Variants in GRK3 observed in about 807,000 individuals in gnomAD.
The protein encoded by GRK3 is adrenergic, beta, receptor kinase 2.
Under a neutral mutation model 95.7 loss-of-function variants are expected in GRK3, and 54 were observed. The observed-to-expected ratio is 0.56, with a 90% CI of 0.45 to 0.71. The LOEUF (loss-of-function observed/expected upper bound fraction) is 0.71. GRK3 is among the 30% of genes least tolerant of loss of function. GRK3 has a pLI of 0.00. For missense variants in GRK3, 649 were observed against 851.2 expected, an observed-to-expected ratio of 0.76 and a Z score of 2.96; for synonymous variants, 281 against 290.8, an observed-to-expected ratio of 0.97 and a Z score of 0.34.
chr22:25,626,126 T>A (rs995233362), intron 2 of GRK3, among the ~76,000 whole-genome samples: 2 of 152,170 alleles, frequency 1.3e-5, no homozygotes, highest in African/African-American at 4.8e-5. Context: ...GTGGGGCTGG[T>A]CCCTACATTA....
At chr22:25,619,650 G>GTTTTTTT (rs536273282) in intron 2 of GRK3, among the ~76,000 whole-genome samples, 14 of 107,922 alleles carry the variant, frequency 1.3e-4, no homozygotes, top group Non-Finnish European at 1.6e-4. Flanking sequence ...TACCTGGCTA[G>GTTTTTTT]TTTTTTTTTT....
intron 11 of GRK3, among the ~76,000 whole-genome samples, chr22:25,688,408 A>C (rs1569196382): frequency 6.6e-6 from 1 of 152,168 alleles, no homozygotes; most frequent in Non-Finnish European, 1.5e-5. Context: ...TGGGGCTTAG[A>C]AGCTGGTGAG....
intron 1 of GRK3, among the ~76,000 whole-genome samples, chr22:25,568,683 G>C (rs1182990414): frequency 6.6e-6 from 1 of 152,174 alleles, no homozygotes; most frequent in African/African-American, 2.4e-5. Flanking sequence ...TTATAGACTA[G>C]TGTGAAATAC....
intron 17 of GRK3, among the ~76,000 whole-genome samples, chr22:25,712,821 G>T (rs997370732): frequency 2.0e-5 from 3 of 152,232 alleles, no homozygotes; most frequent in African/African-American, 7.2e-5. Flanking sequence ...CTGAGCAAGA[G>T]CTGAGAAAGA....
At chr22:25,577,550 G>A (rs1304199942) in intron 1 of GRK3, among the ~76,000 whole-genome samples, 8 of 152,176 alleles carry the variant, frequency 5.3e-5, no homozygotes, top group East Asian at 1.9e-4. Flanking sequence ...TTAATGGAGC[G>A]GGTTGCATAT....
At chr22:25,680,872 G>A (rs1020388940) in intron 9 of GRK3, among the ~76,000 whole-genome samples, 9 of 151,674 alleles carry the variant, frequency 5.9e-5, no homozygotes, top group African/African-American at 2.2e-4. Flanking sequence ...TGATCAGACT[G>A]TATCGGCAGG....
At chr22:25,647,631 T>C in intron 3 of GRK3, 1 of 1,478,044 alleles carries the variant, frequency 6.8e-7, no homozygotes, top group Non-Finnish European at 9.4e-7. Context: ...TAATTAACAA[T>C]ACAGAAGGAG....
intron 1 of GRK3, among the ~76,000 whole-genome samples, chr22:25,592,731 G>A (rs1601458930): frequency 6.6e-6 from 1 of 152,306 alleles, no homozygotes; most frequent in African/African-American, 2.4e-5. Flanking sequence ...ATGAGGTTTG[G>A]GGTATGACTG....
At chr22:25,670,880 A>AT (rs1569187322) in intron 6 of GRK3, among the ~76,000 whole-genome samples, 1 of 120,894 alleles carries the variant, frequency 8.3e-6, no homozygotes, top group Admixed American at 7.9e-5. Context: ...TACTAAAAAT[A>AT]CAAAAAAAAA....
intron 3 of GRK3, among the ~76,000 whole-genome samples, chr22:25,659,002 C>T (rs941506579): frequency 1.3e-5 from 2 of 152,056 alleles, no homozygotes; most frequent in Non-Finnish European, 2.9e-5. Context: ...ATCTGGAGCT[C>T]AGGAGTCCTA....
rs145010049 is a variant in GRK3, at chr22:25,728,123, G to A, written c.*5673G>A. ...TGTATAGTTTGTTATTTAAAGAAAT[G>A]GCAGTCCTTCCTGTTCTTAATACAA... On this transcript the variant is annotated 3_prime_UTR_variant, in exon 21 of 21. Coordinates refer to ENST00000324198, the MANE Select transcript of GRK3 (RefSeq NM_005160.4). 103 of 152,272 alleles carry A rather than the reference G, an allele frequency of 6.8e-4. 2 individuals carry two copies. Among genetic ancestry groups the A allele is most frequent in the African/African-American group, 2.5e-3 (102 of 41,544 alleles). The allele number at this position is 152,272 out of a possible 1,614,324, so 9.4% of individuals were successfully genotyped here.
Position 25,721,461 on chromosome 22 carries a change from C to T in GRK3, c.1905+64C>T, listed in dbSNP as rs372497293. On this transcript the variant is annotated intron_variant, in intron 20 of 20. Transcript: ENST00000324198. ...TTAAATATTCAGCAAAGTTGACTGC[C>T]TGTCTATAAAACATTTTCTTATGCC... 4.3e-5 allele frequency: 40 copies of T among 926,528 alleles called. No individual in the cohort carries two copies. The African/African-American group carries it at 5.3e-4, about 12-fold the overall frequency. The allele number at this position is 926,528 out of a possible 1,614,324, so 57.4% of individuals were successfully genotyped here.
In GRK3 at chr22:25,619,674, T is replaced by G. The variant is rs565719074; in HGVS notation, c.190+15221T>G. 4.1e-3 allele frequency among the ~76,000 whole-genome samples: 608 copies of G among 146,916 alleles called. 5 individuals carry two copies. The highest frequency in any genetic ancestry group is 0.014 in the African/African-American group (545 of 38,984). ...AGTTTTTTTTTTTTTTTTTTTTTTT[T>G]GTAGAGATAGGATCTGGCTGTTGCC... On this transcript the variant is annotated intron_variant, in intron 2 of 20. Coordinates refer to ENST00000324198, the MANE Select transcript of GRK3 (RefSeq NM_005160.4).
intron 2 of GRK3, among the ~76,000 whole-genome samples, chr22:25,608,517 C>A (rs1382456555): frequency 6.6e-6 from 1 of 152,210 alleles, no homozygotes; most frequent in African/African-American, 2.4e-5. Flanking sequence ...AGAGTTTCCT[C>A]AGGCCAGCAG....
intron 20 of GRK3, among the ~76,000 whole-genome samples, chr22:25,721,888 CA>C (rs1470640844): frequency 6.6e-6 from 1 of 151,912 alleles, no homozygotes; most frequent in African/African-American, 2.4e-5. Context: ...GTATTAGATG[CA>C]AAAAAATCAT....
At chr22:25,642,450 TAAAC>T (rs563529955) in intron 2 of GRK3, among the ~76,000 whole-genome samples, 192 of 152,108 alleles carry the variant, frequency 1.3e-3, no homozygotes, top group African/African-American at 4.4e-3. Context: ...AATAAATAAA[TAAAC>T]AGACAGACAT....
At chr22:25,582,727 A>G (rs1198184843) in intron 1 of GRK3, among the ~76,000 whole-genome samples, 1 of 152,192 alleles carries the variant, frequency 6.6e-6, no homozygotes, top group African/African-American at 2.4e-5. Flanking sequence ...GTGGAGGAGG[A>G]AGAGTGATGT....
intron 12 of GRK3, among the ~76,000 whole-genome samples, chr22:25,694,714 C>T (rs1054987153): frequency 5.3e-5 from 8 of 152,116 alleles, no homozygotes; most frequent in African/African-American, 1.9e-4. Context: ...AGGTCCACAG[C>T]GCCGCAGCGT....
intron 9 of GRK3, among the ~76,000 whole-genome samples, chr22:25,683,239 AG>A (rs1294833975): frequency 6.6e-6 from 1 of 152,254 alleles, no homozygotes; most frequent in Non-Finnish European, 1.5e-5. Flanking sequence ...ATGGCATTCT[AG>A]TGTATAAATA....
Sources: allele counts gnomAD v4.1 joint callset (sites outside exome capture counted in the v4.1 genomes callset), GRCh38; gene constraint gnomAD v4.1.1; transcripts MANE v1.5; gene names NCBI Gene and HGNC (gene_info 2026-07-23, HGNC 2026-07-21).